Variants in CNTN4 observed in about 807,000 individuals in gnomAD.
CNTN4 encodes the protein contactin 4.
Under a neutral mutation model 122.5 loss-of-function variants are expected in CNTN4, and 77 were observed. The ratio of observed to expected loss-of-function variants is 0.63; its 90% CI spans 0.52 to 0.76. The LOEUF (loss-of-function observed/expected upper bound fraction) is 0.76, where lower values mean the gene tolerates loss of function less well. CNTN4 is among the 30% of genes least tolerant of loss of function. The pLI, the probability that CNTN4 is intolerant of heterozygous loss-of-function variation, is 0.00. For synonymous variants in CNTN4, 512 were observed against 447.0 expected (o/e 1.15, Z -1.83); for missense variants, 1,256 against 1,259.1 (o/e 1.00, Z 0.04).
In CNTN4 at chr3:3,057,783, A is replaced by G. The variant is rs1701904952; in HGVS notation, c.*1563A>G. ...TTCTTAGTTTGATATGGTTACTTCTATGTTGAAATAAAATTTAAAATCACA... is the reference window on the plus strand; with the variant it reads ...TTCTTAGTTTGATATGGTTACTTCTGTGTTGAAATAAAATTTAAAATCACA... On this transcript the variant is annotated 3_prime_UTR_variant, in exon 25 of 25. Transcript: ENST00000418658. The G allele has an allele frequency of 6.6e-6, 1 of 152,552 alleles. No homozygotes were observed. Among genetic ancestry groups the G allele is most frequent in the Non-Finnish European group, 1.5e-5 (1 of 68,024 alleles). 9.4% of individuals were successfully genotyped at this position (152,552 alleles called of 1,614,324 possible). A position where few individuals can be genotyped will look rare whatever the true frequency, so the allele number is the denominator to read the frequency against.
At chr3:2,793,208 A>C (rs1190425258) in intron 6 of CNTN4, among the ~76,000 whole-genome samples, 2 of 151,748 alleles carry the variant, frequency 1.3e-5, no homozygotes, top group Admixed American at 6.6e-5. Flanking sequence ...GAAAGTTCAC[A>C]CTCTTCACTC....
At chr3:2,862,693 A>G (rs1395435582) in intron 7 of CNTN4, among the ~76,000 whole-genome samples, 1 of 152,240 alleles carries the variant, frequency 6.6e-6, no homozygotes, top group African/African-American at 2.4e-5. Context: ...ATATTGCATG[A>G]AAGTCCCTAA....
chr3:2,304,106 A>G (rs914795643), intron 2 of CNTN4, among the ~76,000 whole-genome samples: 1 of 152,210 alleles, frequency 6.6e-6, no homozygotes, highest in African/African-American at 2.4e-5. Context: ...AAGTAGTAGT[A>G]TTAAGGATCA....
intron 6 of CNTN4, among the ~76,000 whole-genome samples, chr3:2,788,214 G>A (rs1256541244): frequency 6.6e-6 from 1 of 152,174 alleles, no homozygotes; most frequent in East Asian, 1.9e-4. Context: ...TTAATTTCAA[G>A]TGGACATTTG....
At chr3:2,514,748 T>A (rs774233736) in intron 3 of CNTN4, among the ~76,000 whole-genome samples, 2 of 152,184 alleles carry the variant, frequency 1.3e-5, no homozygotes, top group Non-Finnish European at 2.9e-5. Context: ...TACGAACTCA[T>A]GACATCTTAT....
chr3:2,556,138 C>G (rs1385858309), intron 3 of CNTN4, among the ~76,000 whole-genome samples: 1 of 152,026 alleles, frequency 6.6e-6, no homozygotes, highest in Non-Finnish European at 1.5e-5. Flanking sequence ...TTTTTAAAAA[C>G]TTGAAAGGAG....
chr3:3,008,008 A>C (rs1040606206), intron 14 of CNTN4, among the ~76,000 whole-genome samples: 1 of 152,200 alleles, frequency 6.6e-6, no homozygotes, highest in Non-Finnish European at 1.5e-5. Flanking sequence ...TTAATGATGT[A>C]TCTGTGATGT....
intron 8 of CNTN4, among the ~76,000 whole-genome samples, chr3:2,880,812 C>A (rs139584962): frequency 6.6e-6 from 1 of 152,032 alleles, no homozygotes; most frequent in Non-Finnish European, 1.5e-5. Flanking sequence ...AAAGATAAAC[C>A]GTTTAACTCT....
chr3:2,578,328 G>T (rs1576073226), intron 4 of CNTN4, among the ~76,000 whole-genome samples: 1 of 152,100 alleles, frequency 6.6e-6, no homozygotes, highest in Admixed American at 6.6e-5. Context: ...TAATGTTGAT[G>T]AAAGGACTCC....
At chr3:2,549,505 T>G (rs1283503607) in intron 3 of CNTN4, among the ~76,000 whole-genome samples, 1 of 152,200 alleles carries the variant, frequency 6.6e-6, no homozygotes, top group Non-Finnish European at 1.5e-5. Context: ...TTACATTGAT[T>G]GATTAGCATA....
chr3:2,458,004 A>G (rs1029063473), intron 3 of CNTN4, among the ~76,000 whole-genome samples: 5 of 152,060 alleles, frequency 3.3e-5, no homozygotes, highest in Non-Finnish European at 5.9e-5. Flanking sequence ...AACATCTCCC[A>G]CCTTCCATTT....
intron 23 of CNTN4, among the ~76,000 whole-genome samples, chr3:3,050,004 T>G (rs970333157): frequency 6.6e-6 from 1 of 152,098 alleles, no homozygotes; most frequent in African/African-American, 2.4e-5. Flanking sequence ...TGAACAGAAG[T>G]TTATTGACAC....
chr3:2,323,081 G>C (rs887138168), intron 2 of CNTN4, among the ~76,000 whole-genome samples: 1 of 152,108 alleles, frequency 6.6e-6, no homozygotes, highest in African/African-American at 2.4e-5. Flanking sequence ...TCTTGCAAGA[G>C]CTCTCTTGCC....
intron 2 of CNTN4, among the ~76,000 whole-genome samples, chr3:2,107,468 A>G (rs73011388): frequency 0.028 from 4,265 of 152,254 alleles, 83 homozygotes; most frequent in Middle Eastern, 0.051. Context: ...AAATCCCCTT[A>G]TAAAACGATC....
intron 2 of CNTN4, among the ~76,000 whole-genome samples, chr3:2,288,886 G>A (rs2042036301): frequency 6.6e-6 from 1 of 152,120 alleles, no homozygotes; most frequent in African/African-American, 2.4e-5. Context: ...GTGACATAGG[G>A]AAGGTGGTGA....
chr3:2,979,383 A>G (rs955961877), intron 13 of CNTN4, among the ~76,000 whole-genome samples: 3 of 152,192 alleles, frequency 2.0e-5, no homozygotes, highest in Non-Finnish European at 1.5e-5. Flanking sequence ...GAAAAGAGAG[A>G]GAAAAAAATA....
At chr3:2,859,058 C>T (rs1026003336) in intron 7 of CNTN4, among the ~76,000 whole-genome samples, 20 of 152,228 alleles carry the variant, frequency 1.3e-4, no homozygotes, top group Non-Finnish European at 2.6e-4. Flanking sequence ...ATTCCTCCAA[C>T]CTCCCTGCTC....
intron 3 of CNTN4, among the ~76,000 whole-genome samples, chr3:2,434,756 C>T (rs2048199111): frequency 6.6e-6 from 1 of 152,114 alleles, no homozygotes; most frequent in African/African-American, 2.4e-5. Flanking sequence ...GTTTTTGTGA[C>T]AGACTCAAAG....
intron 4 of CNTN4, 106 bp downstream of exon 4, chr3:2,571,664 A>G (rs906045137): frequency 6.2e-6 from 5 of 807,490 alleles, no homozygotes; most frequent in South Asian, 1.4e-5. Flanking sequence ...TCGCAAGAGT[A>G]TATGCTGCTA....
Sources: gnomAD v4.1 joint callset for allele counts (sites outside exome capture counted in the v4.1 genomes callset) on GRCh38, gnomAD v4.1.1 for gene constraint, MANE v1.5 for transcripts, NCBI Gene and HGNC (gene_info 2026-07-23, HGNC 2026-07-21) for gene names.